The following CD274 variants were observed in gnomAD, a reference collection of about 807,000 sequenced individuals.
The protein encoded by CD274 is CD274 molecule.
In CD274, 8 loss-of-function variants were observed where a neutral mutation model predicts 30.1. That is an observed-to-expected ratio of 0.27 (90% CI 0.16 to 0.48). The LOEUF (loss-of-function observed/expected upper bound fraction) is 0.48, where lower values mean the gene tolerates loss of function less well. CD274 is among the 20% of genes least tolerant of loss of function. CD274 has a pLI of 0.99. For missense variants in CD274, 353 were observed against 346.6 expected (o/e 1.02, Z -0.15); for synonymous variants, 152 against 124.6 (o/e 1.22, Z -1.46).
chr9:5,456,194 C>T (rs377318970), intron 2 of CD274, 29 bp downstream of exon 2: 3 of 1,460,464 alleles, frequency 2.1e-6, no homozygotes, highest in Non-Finnish European at 1.9e-6. Flanking sequence ...CCATTAGGTT[C>T]TATATTTTAA....
intron 1 of CD274, among the ~76,000 whole-genome samples, chr9:5,452,026 C>CTTTTT (rs71326169): frequency 7.9e-6 from 1 of 126,452 alleles, no homozygotes; most frequent in Admixed American, 8.3e-5. Context: ...TTTTTTTTGT[C>CTTTTT]TTTTTTTTTT....
At position 5,468,196 on chromosome 9, in the gene CD274, C is replaced by T; in HGVS notation, c.*334C>T. 1 of 350,778 alleles carries T rather than the reference C, an allele frequency of 2.9e-6. No individual in the cohort carries two copies. The highest frequency in any genetic ancestry group is 5.2e-6 in the Non-Finnish European group (1 of 192,258). The allele number at this position is 350,778 out of a possible 1,614,324, so 21.7% of individuals were successfully genotyped here. On this transcript the variant is annotated 3_prime_UTR_variant, in exon 7 of 7. Coordinates refer to ENST00000381577, the MANE Select transcript of CD274 (RefSeq NM_014143.4). ...CATCCTAGGAAGACGGGTTGAGAAT[C>T]CCTAATTTGAGGGTCAGTTCCTGCA... is the stretch of plus-strand genomic sequence containing the variant.
intron 1 of CD274, among the ~76,000 whole-genome samples, chr9:5,454,768 A>G (rs908825632): frequency 3.3e-5 from 5 of 152,190 alleles, no homozygotes; most frequent in African/African-American, 1.2e-4. Flanking sequence ...AAATCCTCCC[A>G]TTAGTGGGTA....
chr9:5,456,122 A>G lies in CD274; in HGVS notation c.9A>G (p.Ile3Met), dbSNP rs1433541247. 1.2e-6 allele frequency: 2 copies of G among 1,607,084 alleles called. No homozygotes were observed. The highest frequency in any genetic ancestry group is 2.2e-5 in the East Asian group (1 of 44,734). Residue 3 changes from isoleucine (I) to methionine (M), a missense_variant, in exon 2 of 7, where the codon ATA becomes ATG. By Grantham distance (10) the Ile-to-Met change is conservative (BLOSUM62 1). Transcript: ENST00000381577. Reference sequence around the variant, plus strand: ...TAGGGCATTCCAGAAAGATGAGGATATTTGCTGTCTTTATATTCATGACCT... The same window carrying G: ...TAGGGCATTCCAGAAAGATGAGGATGTTTGCTGTCTTTATATTCATGACCT... MRIFAVFIFMTYW... is the reference protein window; with the variant it reads MRMFAVFIFMTYW...
At position 5,457,065 on chromosome 9, in the gene CD274, T is replaced by C. The variant is rs759050839; in HGVS notation, c.53-14T>C. On this transcript the variant is annotated splice_polypyrimidine_tract_variant and intron_variant, in intron 2 of 6. Transcript: ENST00000381577. ...ATTTTCCCTTTTCTGAAGATTGTCC[T>C]TCTTTCTTTTTAGCATTTACTGTCA... The C allele has an allele frequency of 1.3e-6, 2 of 1,566,352 alleles. No individual in the cohort carries two copies. The highest frequency in any genetic ancestry group is 1.7e-6 in the Non-Finnish European group (2 of 1,144,498).
rs757286732 is a variant in CD274, at chr9:5,462,970, T to G, written c.531T>G (p.Gly177=). 1.4e-5 allele frequency: 23 copies of G among 1,614,064 alleles called. No homozygotes were observed. Among genetic ancestry groups the G allele is most frequent in the Non-Finnish European group, 1.9e-5 (23 of 1,179,958 alleles). Reference sequence around the variant, plus strand: ...GCAGTGACCATCAAGTCCTGAGTGGTAAGACCACCACCACCAATTCCAAGA... The same window carrying G: ...GCAGTGACCATCAAGTCCTGAGTGGGAAGACCACCACCACCAATTCCAAGA... The part of the protein sequence containing the change: ...WTSSDHQVLS[G]KTTTTNSKRE... Residue 177 remains glycine (G), a synonymous_variant, in exon 4 of 7, where the codon GGT becomes GGG. Coordinates refer to ENST00000381577, the MANE Select transcript of CD274 (RefSeq NM_014143.4).
At chr9:5,455,316 A>G (rs562024245) in intron 1 of CD274, among the ~76,000 whole-genome samples, 2 of 152,332 alleles carry the variant, frequency 1.3e-5, no homozygotes, top group African/African-American at 4.8e-5. Context: ...TCATGCTTAA[A>G]ATAGTGCCTA....
At chr9:5,452,971 A>T (rs1295080423) in intron 1 of CD274, among the ~76,000 whole-genome samples, 2 of 151,974 alleles carry the variant, frequency 1.3e-5, no homozygotes, top group Non-Finnish European at 2.9e-5. Flanking sequence ...AAAATATCAC[A>T]TTAATATTTT....
intron 3 of CD274, among the ~76,000 whole-genome samples, chr9:5,458,413 A>G (rs1406678594): frequency 6.6e-6 from 1 of 152,226 alleles, no homozygotes; most frequent in Non-Finnish European, 1.5e-5. Context: ...TTACTCCCTA[A>G]TAGTAAGCTG....
In CD274 at chr9:5,467,957, C is replaced by T; in HGVS notation, c.*95C>T. 1 of 1,027,092 alleles carries T rather than the reference C, an allele frequency of 9.7e-7. No homozygotes were observed. The allele number at this position is 1,027,092 out of a possible 1,614,324, so 63.6% of individuals were successfully genotyped here. ...AGCGTGACAAGAGGAAGGAATGGGCCCGTGGGATGCAGGCAATGTGGGACT... is the reference window on the plus strand; with the variant it reads ...AGCGTGACAAGAGGAAGGAATGGGCTCGTGGGATGCAGGCAATGTGGGACT... On this transcript the variant is annotated 3_prime_UTR_variant, in exon 7 of 7. Transcript: ENST00000381577.
Position 5,469,331 on chromosome 9 carries a change from C to CA in CD274, c.*1473dup, listed in dbSNP as rs1410300320. 2 of 232,494 alleles carry CA rather than the reference C, an allele frequency of 8.6e-6. No individual in the cohort carries two copies. The highest frequency in any genetic ancestry group is 1.8e-4 in the South Asian group (1 of 5,522). The allele number at this position is 232,494 out of a possible 1,614,324, so 14.4% of individuals were successfully genotyped here. Reference sequence around the variant, plus strand: ...TTTAAATTCATACCTTTCCATGATTCAAAATTCAAAAGATCCCATGGGAGA... The same window carrying CA: ...TTTAAATTCATACCTTTCCATGATTCAAAAATTCAAAAGATCCCATGGGAGA... On this transcript the variant is annotated 3_prime_UTR_variant, in exon 7 of 7. Coordinates refer to ENST00000381577, the MANE Select transcript of CD274 (RefSeq NM_014143.4).
In CD274 at chr9:5,457,287, G is replaced by A. The variant is rs2131212252; in HGVS notation, c.261G>A (p.Leu87=). Residue 87 remains leucine, a synonymous_variant, in exon 3 of 7, where the codon CTG becomes CTA. Coordinates refer to ENST00000381577, the MANE Select transcript of CD274 (RefSeq NM_014143.4). ...QHSSYRQRAR[L]LKDQLSLGNA... ...GTAGCTACAGACAGAGGGCCCGGCTGTTGAAGGACCAGCTCTCCCTGGGAA... is the reference window on the plus strand; with the variant it reads ...GTAGCTACAGACAGAGGGCCCGGCTATTGAAGGACCAGCTCTCCCTGGGAA... The A allele has an allele frequency of 6.2e-7, 1 of 1,614,080 alleles. No individual in the cohort carries two copies. Among genetic ancestry groups the A allele is most frequent in the Non-Finnish European group, 8.5e-7 (1 of 1,179,984 alleles).
rs563372752 is a variant in CD274 at position 5,468,887 on chromosome 9, C to T, written c.*1025C>T. ...AAAAACCATTTATTAAGTGCCCTTG[C>T]AATATCAATCGCTGTGCCAGGCATT... On this transcript the variant is annotated 3_prime_UTR_variant, in exon 7 of 7. Transcript: ENST00000381577. 4.3e-6 allele frequency: 1 copy of T among 233,108 alleles called. No homozygotes were observed. Among genetic ancestry groups the T allele is most frequent in the African/African-American group, 2.2e-5 (1 of 45,444 alleles). The allele number at this position is 233,108 out of a possible 1,614,324, so 14.4% of individuals were successfully genotyped here. A position where few individuals can be genotyped will look rare whatever the true frequency, so the allele number is the denominator to read the frequency against.
intron 4 of CD274, 170 bp downstream of exon 4, chr9:5,463,291 T>C (rs1231721196): frequency 1.6e-6 from 1 of 615,134 alleles, no homozygotes; most frequent in Non-Finnish European, 2.9e-6. Context: ...CCAAACCATA[T>C]TGTTACTTAA....
intron 3 of CD274, among the ~76,000 whole-genome samples, chr9:5,461,249 G>T (rs945066825): frequency 3.9e-5 from 6 of 152,108 alleles, no homozygotes; most frequent in African/African-American, 1.4e-4. Context: ...CCTCTGGGTT[G>T]TGCTTGAATT....
At chr9:5,452,211 T>G (rs530066906) in intron 1 of CD274, among the ~76,000 whole-genome samples, 47 of 152,010 alleles carry the variant, frequency 3.1e-4, no homozygotes, top group African/African-American at 1.1e-3. Context: ...GAAATGGGGT[T>G]TCACCATATT....
chr9:5,452,959 A>T (rs1312067733), intron 1 of CD274, among the ~76,000 whole-genome samples: 1 of 152,070 alleles, frequency 6.6e-6, no homozygotes, highest in African/African-American at 2.4e-5. Context: ...TACAATAATC[A>T]TAAAATATCA....
At chr9:5,465,846 T>G (rs1439049147) in intron 5 of CD274, 1 of 285,718 alleles carries the variant, frequency 3.5e-6, no homozygotes, top group African/African-American at 2.2e-5. Flanking sequence ...AGTTTTTTTC[T>G]ATCATGAAAA....
Position 5,467,977 on chromosome 9 carries a change from G to C in CD274, c.*115G>C, listed in dbSNP as rs995996946. 18 of 899,996 alleles carry C rather than the reference G, an allele frequency of 2.0e-5. No homozygotes were observed. Among genetic ancestry groups the C allele is most frequent in the Non-Finnish European group, 3.1e-5 (17 of 544,118 alleles). The allele number at this position is 899,996 out of a possible 1,614,324, so 55.8% of individuals were successfully genotyped here. ...TGGGCCCGTGGGATGCAGGCAATGT[G>C]GGACTTAAAAGGCCCAAGCACTGAA... is the stretch of plus-strand genomic sequence containing the variant. On this transcript the variant is annotated 3_prime_UTR_variant, in exon 7 of 7. Transcript: ENST00000381577.
Sources: allele counts gnomAD v4.1 joint callset (sites outside exome capture counted in the v4.1 genomes callset), GRCh38; gene constraint gnomAD v4.1.1; transcripts MANE v1.5; gene names NCBI Gene and HGNC (gene_info 2026-07-23, HGNC 2026-07-21).